The following NDUFC2 variants were observed in gnomAD, a reference collection of about 807,000 sequenced individuals.
NDUFC2 encodes NADH dehydrogenase [ubiquinone] 1 subunit C2.
Under a neutral mutation model 10.1 loss-of-function variants are expected in NDUFC2, and 2 were observed. The ratio of observed to expected loss-of-function variants is 0.20; its 90% CI spans 0.08 to 0.62. The LOEUF is 0.62. Among genes scored for constraint, NDUFC2 ranks in the 20% least tolerant of loss-of-function variants. The pLI is 0.87. For missense variants in NDUFC2, 156 were observed against 159.6 expected (o/e 0.98, Z 0.12); for synonymous variants, 61 against 63.6 (o/e 0.96, Z 0.20).
chr11:78,079,512 G>A (rs934170071), intron 1 of NDUFC2, 67 bp downstream of exon 1: 4 of 1,515,354 alleles, frequency 2.6e-6, no homozygotes, highest in African/African-American at 1.4e-5. Context: ...GGGGGCCTAC[G>A]GCCGGGCCAG....
chr11:78,071,210 T>C (rs1005313449), intron 2 of NDUFC2, among the ~76,000 whole-genome samples: 1 of 151,926 alleles, frequency 6.6e-6, no homozygotes, highest in Admixed American at 6.6e-5. Flanking sequence ...TTCAGTGTAA[T>C]GAAATTTAAA....
At chr11:78,071,850 AG>A (rs1204865230) in intron 2 of NDUFC2, among the ~76,000 whole-genome samples, 1 of 152,188 alleles carries the variant, frequency 6.6e-6, no homozygotes, top group Non-Finnish European at 1.5e-5. Context: ...ACATGTATAA[AG>A]TAATATAGGG....
chr11:78,075,128 T>G (rs1437778309), intron 1 of NDUFC2, among the ~76,000 whole-genome samples: 2 of 152,220 alleles, frequency 1.3e-5, no homozygotes, highest in Non-Finnish European at 2.9e-5. Flanking sequence ...CATAAATTAC[T>G]GATAAACTAG....
intron 1 of NDUFC2, among the ~76,000 whole-genome samples, chr11:78,074,420 C>A (rs1221117076): frequency 6.6e-6 from 1 of 151,974 alleles, no homozygotes; most frequent in East Asian, 1.9e-4. Context: ...CAAGACCAGC[C>A]TGGCCAACAT....
At chr11:78,079,123 A>AAC (rs1859392449) in intron 1 of NDUFC2, among the ~76,000 whole-genome samples, 1 of 151,560 alleles carries the variant, frequency 6.6e-6, no homozygotes, top group African/African-American at 2.4e-5. Flanking sequence ...CAAAAAAAAA[A>AAC]AAAACCAAGC....
At position 78,073,448 on chromosome 11, in the gene NDUFC2, C is replaced by T. The variant is rs543946773; in HGVS notation, c.167-307G>A. Among the ~76,000 whole-genome samples the T allele has an allele frequency of 6.6e-5, 10 of 151,994 alleles. No homozygotes were observed. The South Asian group carries it at 1.7e-3, about 25-fold the overall frequency. Reference sequence around the variant, plus strand: ...CAGAGGTTGCAGTAAGCTGATATTGCGCCATTGCACTCCAGCCTGGGTGAC... The same window carrying T: ...CAGAGGTTGCAGTAAGCTGATATTGTGCCATTGCACTCCAGCCTGGGTGAC... On this transcript the variant is annotated intron_variant, in intron 1 of 2. Transcript: ENST00000281031.
chr11:78,076,258 C>T (rs1429050590), intron 1 of NDUFC2, among the ~76,000 whole-genome samples: 1 of 152,122 alleles, frequency 6.6e-6, no homozygotes, highest in East Asian at 1.9e-4. Flanking sequence ...TCTCCAGCCT[C>T]TGCCTCCCGA....
At chr11:78,074,528 G>C (rs1344201284) in intron 1 of NDUFC2, among the ~76,000 whole-genome samples, 1 of 151,728 alleles carries the variant, frequency 6.6e-6, no homozygotes, top group Non-Finnish European at 1.5e-5. Context: ...CTGGAGAATC[G>C]CTTGAAGCCA....
Position 78,069,596 on chromosome 11 carries a change from A to T in NDUFC2, c.*391T>A. Reference sequence around the variant, plus strand: ...TTTCTGAAAGGGCTACATATTAATTAGGCTTTGCAGGCCATAGGTCTCTAT... The same window carrying T: ...TTTCTGAAAGGGCTACATATTAATTTGGCTTTGCAGGCCATAGGTCTCTAT... On this transcript the variant is annotated 3_prime_UTR_variant, in exon 3 of 3. Coordinates refer to ENST00000281031, the MANE Select transcript of NDUFC2 (RefSeq NM_004549.6). 1 of 429,082 alleles carries T rather than the reference A, an allele frequency of 2.3e-6. No individual in the cohort carries two copies. The highest frequency in any genetic ancestry group is 4.1e-6 in the Non-Finnish European group (1 of 245,062). 26.6% of individuals were successfully genotyped at this position (429,082 alleles called of 1,614,324 possible).
At chr11:78,078,576 C>G (rs1859349662) in intron 1 of NDUFC2, among the ~76,000 whole-genome samples, 1 of 152,158 alleles carries the variant, frequency 6.6e-6, no homozygotes, top group East Asian at 1.9e-4. Context: ...GTCAGTGTCT[C>G]TGATAGGAAG....
intron 1 of NDUFC2, among the ~76,000 whole-genome samples, chr11:78,073,507 A>G (rs1292137604): frequency 6.7e-6 from 1 of 150,274 alleles, no homozygotes; most frequent in Non-Finnish European, 1.5e-5. Flanking sequence ...TTTCTTAAAA[A>G]AATAAAAATA....
intron 1 of NDUFC2, among the ~76,000 whole-genome samples, chr11:78,078,728 C>CTTTTTTTTTTTTTTT (rs71046953): frequency 0.015 from 915 of 61,508 alleles, 262 homozygotes; most frequent in Non-Finnish European, 0.015. Context: ...TCAGGATCCG[C>CTTTTTTTTTTTTTTT]TTTTTTTTTT....
At chr11:78,078,728 C>CTTGTTTTTTTTTTTTTTTTTTTTTT (rs1859357894) in intron 1 of NDUFC2, among the ~76,000 whole-genome samples, 2 of 61,642 alleles carry the variant, frequency 3.2e-5, no homozygotes, top group South Asian at 7.4e-4. Context: ...TCAGGATCCG[C>CTTGTTTTTTTTTTTTTTTTTTTTTT]TTTTTTTTTT....
intron 1 of NDUFC2, among the ~76,000 whole-genome samples, chr11:78,078,728 C>CTTTTTTTTTCTTTT (rs1859359090): frequency 1.6e-5 from 1 of 61,642 alleles, no homozygotes; most frequent in African/African-American, 6.2e-5. Context: ...TCAGGATCCG[C>CTTTTTTTTTCTTTT]TTTTTTTTTT....
chr11:78,070,159 T>G lies in NDUFC2; in HGVS notation c.311-123A>C, dbSNP rs1002873065. The G allele has an allele frequency of 1.4e-5, 10 of 708,058 alleles. No homozygotes were observed. In the Admixed American group the frequency reaches 2.6e-4, roughly 18 times the overall value. 43.9% of individuals were successfully genotyped at this position (708,058 alleles called of 1,614,324 possible). A position where few individuals can be genotyped will look rare whatever the true frequency, so the allele number is the denominator to read the frequency against. On this transcript the variant is annotated intron_variant, in intron 2 of 2. Transcript: ENST00000281031. ...AATCCTGCTGTGGTCTGAATGTTCA[T>G]GTCCCCCCAAAGTTCATAAATTGAA...
At chr11:78,074,326 A>G (rs1859151007) in intron 1 of NDUFC2, among the ~76,000 whole-genome samples, 1 of 151,798 alleles carries the variant, frequency 6.6e-6, no homozygotes, top group African/African-American at 2.4e-5. Flanking sequence ...GACAAGACCT[A>G]TCCTGGCTGG....
chr11:78,079,282 A>G (rs1240450266), intron 1 of NDUFC2, among the ~76,000 whole-genome samples: 1 of 152,150 alleles, frequency 6.6e-6, no homozygotes, highest in Admixed American at 6.5e-5. Context: ...CATGGCATGG[A>G]GTCATGGCTC....
Position 78,079,760 on chromosome 11 carries a change from AC to A in NDUFC2, c.-17del, listed in dbSNP as rs1313163900. ...GTGCGATCATGGTGACGCCGTTTCC[AC>A]TTGAGGCCTGGTCTCAGACCACGAA... On this transcript the variant is annotated 5_prime_UTR_variant, in exon 1 of 3. It adds an upstream start codon to the 5' untranslated region. Coordinates refer to ENST00000281031, the MANE Select transcript of NDUFC2 (RefSeq NM_004549.6). 6.2e-7 allele frequency: 1 copy of A among 1,600,894 alleles called. No individual in the cohort carries two copies. Among genetic ancestry groups the A allele is most frequent in the Non-Finnish European group, 8.5e-7 (1 of 1,175,486 alleles).
chr11:78,071,960 G>A lies in NDUFC2; in HGVS notation c.310+1038C>T, dbSNP rs139740688. ...TATCCACTATTATGCATAAGTAAGTGCCTGCTATGTGTAGGCTCTATACAA... is the reference window on the plus strand; with the variant it reads ...TATCCACTATTATGCATAAGTAAGTACCTGCTATGTGTAGGCTCTATACAA... On this transcript the variant is annotated intron_variant, in intron 2 of 2. Coordinates refer to ENST00000281031, the MANE Select transcript of NDUFC2 (RefSeq NM_004549.6). Among the ~76,000 whole-genome samples the A allele has an allele frequency of 2.1e-4, 32 of 152,316 alleles. No individual in the cohort carries two copies. The East Asian group carries it at 6.2e-3, about 29-fold the overall frequency.
Sources: gnomAD v4.1 joint callset for allele counts (sites outside exome capture counted in the v4.1 genomes callset) on GRCh38, gnomAD v4.1.1 for gene constraint, MANE v1.5 for transcripts, NCBI Gene and HGNC (gene_info 2026-07-23, HGNC 2026-07-21) for gene names.